The following GABRB1 variants were observed in gnomAD, a reference collection of about 807,000 sequenced individuals.
GABRB1 encodes gamma-aminobutyric acid type A receptor subunit beta1.
Under a neutral mutation model 51.6 loss-of-function variants are expected in GABRB1, and 17 were observed. The ratio of observed to expected loss-of-function variants is 0.33; its 90% CI spans 0.23 to 0.49. GABRB1 has a LOEUF of 0.49. Among genes scored for constraint, GABRB1 ranks in the 20% least tolerant of loss-of-function variants. The pLI, the probability that GABRB1 is intolerant of heterozygous loss-of-function variation, is 0.99. For synonymous variants in GABRB1, 247 were observed against 218.9 expected, an observed-to-expected ratio of 1.13 and a Z score of -1.14; for missense variants, 410 against 600.6, an observed-to-expected ratio of 0.68 and a Z score of 3.32.
intron 5 of GABRB1, among the ~76,000 whole-genome samples, chr4:47,361,205 G>T (rs1264870662): frequency 1.3e-5 from 2 of 152,024 alleles, no homozygotes; most frequent in Non-Finnish European, 2.9e-5. Flanking sequence ...TAAAAAAGGA[G>T]GTCAAGGAAA....
chr4:47,261,010 TA>T (rs1322099983), intron 4 of GABRB1, among the ~76,000 whole-genome samples: 1 of 152,182 alleles, frequency 6.6e-6, no homozygotes, highest in African/African-American at 2.4e-5. Flanking sequence ...CACTTCATGC[TA>T]AAAACTCTCA....
chr4:47,104,121 GA>G (rs1560536049), intron 3 of GABRB1, among the ~76,000 whole-genome samples: 1 of 151,604 alleles, frequency 6.6e-6, no homozygotes, highest in African/African-American at 2.4e-5. Flanking sequence ...TTTCTATGAA[GA>G]AAAAGGGTTT....
chr4:47,243,326 C>T (rs1721608624), intron 4 of GABRB1, among the ~76,000 whole-genome samples: 1 of 152,170 alleles, frequency 6.6e-6, no homozygotes, highest in African/African-American at 2.4e-5. Context: ...AGCGTGATGC[C>T]TCCAGCTTTG....
chr4:47,181,072 T>C (rs1285787405), intron 4 of GABRB1, among the ~76,000 whole-genome samples: 1 of 152,022 alleles, frequency 6.6e-6, no homozygotes, highest in Non-Finnish European at 1.5e-5. Flanking sequence ...GATACTTTAT[T>C]AATTCTGGTA....
intron 3 of GABRB1, chr4:47,032,896 C>T: frequency 2.7e-6 from 1 of 374,166 alleles, no homozygotes; most frequent in South Asian, 2.0e-5. Context: ...GCTGGCAATC[C>T]CCATGGCCCT....
At chr4:47,079,236 T>C (rs1452711052) in intron 3 of GABRB1, among the ~76,000 whole-genome samples, 2 of 151,824 alleles carry the variant, frequency 1.3e-5, no homozygotes, top group African/African-American at 4.8e-5. Context: ...TGAATCCATC[T>C]GGTCCTGGAC....
intron 5 of GABRB1, among the ~76,000 whole-genome samples, chr4:47,320,954 A>G (rs1725062290): frequency 6.6e-6 from 1 of 151,912 alleles, no homozygotes; most frequent in Non-Finnish European, 1.5e-5. Context: ...TATTTTTAGT[A>G]GAGACGAGGT....
chr4:47,064,386 G>C (rs140297890), intron 3 of GABRB1, among the ~76,000 whole-genome samples: 1 of 152,174 alleles, frequency 6.6e-6, no homozygotes, highest in South Asian at 2.1e-4. Flanking sequence ...TGTAATCCCA[G>C]TACTTTGGGA....
intron 3 of GABRB1, among the ~76,000 whole-genome samples, chr4:47,156,002 T>C (rs945720568): frequency 8.9e-5 from 13 of 146,074 alleles, no homozygotes; most frequent in African/African-American, 1.2e-4. Flanking sequence ...ATTCCATATT[T>C]TGCCTATTAT....
intron 4 of GABRB1, among the ~76,000 whole-genome samples, chr4:47,240,898 C>T (rs1354154126): frequency 6.6e-6 from 1 of 152,102 alleles, no homozygotes; most frequent in African/African-American, 2.4e-5. Flanking sequence ...CCTTCTTCCC[C>T]ATTTTTCCTC....
At chr4:47,387,115 T>C (rs916242030) in intron 5 of GABRB1, among the ~76,000 whole-genome samples, 1 of 152,160 alleles carries the variant, frequency 6.6e-6, no homozygotes, top group Non-Finnish European at 1.5e-5. Context: ...ATAAAAGGCA[T>C]GTTTTTCAAA....
intron 1 of GABRB1, among the ~76,000 whole-genome samples, chr4:46,997,190 T>A (rs564781738): frequency 2.0e-5 from 3 of 152,174 alleles, no homozygotes; most frequent in African/African-American, 7.2e-5. Context: ...CTTCACTCAT[T>A]TCTTATTGTA....
intron 7 of GABRB1, among the ~76,000 whole-genome samples, chr4:47,404,500 C>CACAA (rs1728503025): frequency 1.6e-5 from 2 of 122,606 alleles, no homozygotes; most frequent in African/African-American, 3.4e-5. Context: ...CACACACACA[C>CACAA]ACACACACAC....
intron 1 of GABRB1, among the ~76,000 whole-genome samples, chr4:47,004,882 T>A (rs1004802789): frequency 6.6e-6 from 1 of 152,242 alleles, no homozygotes; most frequent in African/African-American, 2.4e-5. Context: ...TTAATACTTA[T>A]AGTTTCAATA....
chr4:47,258,868 C>A (rs3098802), intron 4 of GABRB1, among the ~76,000 whole-genome samples: 4 of 151,876 alleles, frequency 2.6e-5, no homozygotes, highest in Non-Finnish European at 4.4e-5. Context: ...TATCTTTAAG[C>A]CTAGGGTTAT....
intron 5 of GABRB1, among the ~76,000 whole-genome samples, chr4:47,340,144 CT>C (rs1725831707): frequency 6.6e-6 from 1 of 152,098 alleles, no homozygotes; most frequent in Non-Finnish European, 1.5e-5. Context: ...TTACACAAAG[CT>C]TGGAAAATCT....
chr4:47,176,196 C>T (rs758205706), intron 4 of GABRB1, among the ~76,000 whole-genome samples: 15 of 151,826 alleles, frequency 9.9e-5, no homozygotes, highest in Non-Finnish European at 1.3e-4. Context: ...GTATTATGAA[C>T]GAGCAGAGTC....
chr4:47,079,495 TG>T (rs923847048), intron 3 of GABRB1, among the ~76,000 whole-genome samples: 1 of 152,132 alleles, frequency 6.6e-6, no homozygotes, highest in Non-Finnish European at 1.5e-5. Context: ...ATCTCATTAC[TG>T]GGTATATACC....
intron 4 of GABRB1, among the ~76,000 whole-genome samples, chr4:47,219,667 AT>A (rs1720694634): frequency 6.6e-6 from 1 of 151,804 alleles, no homozygotes. Flanking sequence ...CCACAATCCT[AT>A]TCCTCAAACT....
Sources: gnomAD v4.1 joint callset for allele counts (sites outside exome capture counted in the v4.1 genomes callset) on GRCh38, gnomAD v4.1.1 for gene constraint, MANE v1.5 for transcripts, NCBI Gene and HGNC (gene_info 2026-07-23, HGNC 2026-07-21) for gene names.